Variants in STPG2 observed in about 807,000 individuals in gnomAD.
STPG2 encodes the protein sperm tail PG-rich repeat containing 2, also known as sperm-tail PG-rich repeat-containing protein 2.
Under a neutral mutation model 54.2 loss-of-function variants are expected in STPG2, and 56 were observed. That is an observed-to-expected ratio of 1.03 (90% CI 0.83 to 1.29). The LOEUF (loss-of-function observed/expected upper bound fraction) is 1.29. Ranked by LOEUF, STPG2 falls within the 50% of genes most tolerant of loss-of-function variation. The probability of loss-of-function intolerance (pLI) is 0.00; values close to 1 mark genes in which losing one functional copy is unlikely to be tolerated. For missense variants in STPG2, 596 were observed against 544.9 expected, an observed-to-expected ratio of 1.09 and a Z score of -0.93; for synonymous variants, 200 against 181.8, an observed-to-expected ratio of 1.10 and a Z score of -0.81.
At chr4:97,632,481 CTAA>C (rs1162095676) in intron 10 of STPG2, among the ~76,000 whole-genome samples, 2 of 151,904 alleles carry the variant, frequency 1.3e-5, no homozygotes, top group Admixed American at 1.3e-4. Flanking sequence ...ATTCTAATAC[CTAA>C]TAATGACTTT....
At chr4:97,782,116 C>G (rs1726649570) in intron 9 of STPG2, among the ~76,000 whole-genome samples, 1 of 152,124 alleles carries the variant, frequency 6.6e-6, no homozygotes, top group African/African-American at 2.4e-5. Flanking sequence ...AAAGGGTATT[C>G]AATTAGGAAA....
rs772975052 is a variant in STPG2, at chr4:98,105,974, T to C, written c.591A>G (p.Ile197Met). ...TTACCTTTTTTTTCTCCTGCAATAC[T>C]ATTATTTCATATAGTCGTGGGATAA... ...CSFIPRLYEI[I>M]VLQEKKKRFL... is the part of the protein sequence containing the mutation. Residue 197 changes from isoleucine (I) to methionine (M), a missense_variant, in exon 5 of 11, where the codon ATA (isoleucine) becomes ATG (methionine). By Grantham distance (10) the Ile-to-Met change is conservative. Transcript: ENST00000295268. 4 of 1,568,188 alleles carry C rather than the reference T, an allele frequency of 2.6e-6. No homozygotes were observed. The East Asian group carries it at 6.8e-5, about 27-fold the overall frequency.
At chr4:98,104,932 T>C (rs1560681161) in intron 5 of STPG2, among the ~76,000 whole-genome samples, 1 of 152,156 alleles carries the variant, frequency 6.6e-6, no homozygotes, top group East Asian at 1.9e-4. Flanking sequence ...GTGGACAAAC[T>C]GCAACCTAAC....
rs564716711 is a variant in STPG2 at position 98,115,242 on chromosome 4, A to C, written c.388-5937T>G. Among the ~76,000 whole-genome samples, 17 of 152,126 alleles carry C rather than the reference A, an allele frequency of 1.1e-4. No individual in the cohort carries two copies. The South Asian group carries it at 3.5e-3, about 31-fold the overall frequency. On this transcript the variant is annotated intron_variant, in intron 3 of 10. Transcript: ENST00000295268. ...TAAAAGGCCCAAAGTGCAATAATTC[A>C]AACACTAATGAACTGTTTTCCAGTG... is the stretch of plus-strand genomic sequence containing the variant.
chr4:97,873,690 A>G (rs1221809417), intron 8 of STPG2, among the ~76,000 whole-genome samples: 2 of 151,504 alleles, frequency 1.3e-5, no homozygotes, highest in African/African-American at 4.8e-5. Flanking sequence ...CTTAGATCCA[A>G]TTGATTTTCC....
intron 10 of STPG2, among the ~76,000 whole-genome samples, chr4:97,599,694 G>C (rs945665507): frequency 6.6e-6 from 1 of 151,674 alleles, no homozygotes; most frequent in African/African-American, 2.4e-5. Context: ...CGTGGTGGCG[G>C]GCACCCATAG....
chr4:97,935,383 A>G (rs533164334), intron 8 of STPG2, among the ~76,000 whole-genome samples: 13 of 152,242 alleles, frequency 8.5e-5, no homozygotes, highest in African/African-American at 2.4e-4. Flanking sequence ...CATCTCCTTC[A>G]GTTCCAATCT....
At chr4:97,533,931 T>G (rs1731471362) in intron 4 of STPG2, among the ~76,000 whole-genome samples, 2 of 152,098 alleles carry the variant, frequency 1.3e-5, no homozygotes, top group African/African-American at 4.8e-5. Flanking sequence ...TGACTTGAAA[T>G]GCAATTGTTA....
At chr4:97,829,009 G>GT (rs369235172) in intron 9 of STPG2, among the ~76,000 whole-genome samples, 239 of 152,294 alleles carry the variant, frequency 1.6e-3, no homozygotes, top group African/African-American at 5.6e-3. Flanking sequence ...GAAGCACAGC[G>GT]TTTGAGTCTC....
chr4:97,679,448 C>A (rs937383877), intron 10 of STPG2, among the ~76,000 whole-genome samples: 1 of 151,930 alleles, frequency 6.6e-6, no homozygotes, highest in African/African-American at 2.4e-5. Context: ...CTGTTCATGT[C>A]CTTTGCCCAC....
chr4:97,591,132 A>G (rs773321235), intron 10 of STPG2, among the ~76,000 whole-genome samples: 3 of 152,222 alleles, frequency 2.0e-5, no homozygotes, highest in Non-Finnish European at 4.4e-5. Context: ...TATTAATATT[A>G]GTTGATGAAA....
intron 8 of STPG2, among the ~76,000 whole-genome samples, chr4:97,842,665 C>G (rs1320625549): frequency 3.3e-5 from 5 of 151,734 alleles, no homozygotes; most frequent in African/African-American, 1.2e-4. Context: ...TAACTTGAAG[C>G]AAAGACAAGA....
chr4:97,455,445 A>C (rs1034872758), intron 4 of STPG2, among the ~76,000 whole-genome samples: 1 of 152,136 alleles, frequency 6.6e-6, no homozygotes, highest in African/African-American at 2.4e-5. Flanking sequence ...CAACAGTGGA[A>C]GAACACACCA....
intron 4 of STPG2, among the ~76,000 whole-genome samples, chr4:97,442,729 T>C (rs1166075168): frequency 6.6e-6 from 1 of 152,148 alleles, no homozygotes; most frequent in African/African-American, 2.4e-5. Flanking sequence ...TGTGACACCA[T>C]GTAAAAATAG....
At chr4:97,837,581 T>A (rs972493587) in intron 9 of STPG2, among the ~76,000 whole-genome samples, 4 of 151,646 alleles carry the variant, frequency 2.6e-5, no homozygotes, top group African/African-American at 4.8e-5. Flanking sequence ...GTGATAAGCC[T>A]CATTTAATTA....
chr4:97,905,979 A>T (rs955949815), intron 8 of STPG2, among the ~76,000 whole-genome samples: 7 of 152,198 alleles, frequency 4.6e-5, no homozygotes, highest in Non-Finnish European at 8.8e-5. Context: ...GAGCAAACAC[A>T]TTCAAAAGCC....
chr4:97,690,845 C>T (rs1361861121), intron 10 of STPG2, among the ~76,000 whole-genome samples: 1 of 152,026 alleles, frequency 6.6e-6, no homozygotes, highest in Non-Finnish European at 1.5e-5. Context: ...AGTAGAAGAA[C>T]ATATTATTTT....
At chr4:97,777,126 G>A (rs1484494766) in intron 9 of STPG2, among the ~76,000 whole-genome samples, 1 of 152,062 alleles carries the variant, frequency 6.6e-6, no homozygotes, top group Non-Finnish European at 1.5e-5. Flanking sequence ...TTTACAGGAT[G>A]GTTAAAATGC....
intron 10 of STPG2, among the ~76,000 whole-genome samples, chr4:97,690,645 T>C (rs937945048): frequency 1.3e-5 from 2 of 152,166 alleles, no homozygotes; most frequent in Non-Finnish European, 2.9e-5. Flanking sequence ...AGAGTTTAGG[T>C]GTTCAAGCTT....
Sources: gnomAD v4.1 joint callset for allele counts (sites outside exome capture counted in the v4.1 genomes callset) on GRCh38, gnomAD v4.1.1 for gene constraint, MANE v1.5 for transcripts, NCBI Gene and HGNC (gene_info 2026-07-23, HGNC 2026-07-21) for gene names.